The following HIVEP2 variants were observed in gnomAD, a reference collection of about 807,000 sequenced individuals.
The protein encoded by HIVEP2 is HIVEP zinc finger 2.
HIVEP2 carries 14 observed loss-of-function variants against 180.7 expected under a neutral mutation model. The observed-to-expected ratio is 0.08, with a 90% confidence interval of 0.05 to 0.12. The LOEUF is 0.12. Among genes scored for constraint, HIVEP2 ranks in the 10% least tolerant of loss-of-function variants. The pLI is 1.00. For synonymous variants in HIVEP2, 1,184 were observed against 1,136.4 expected, an observed-to-expected ratio of 1.04 and a Z score of -0.84; for missense variants, 2,579 against 3,008.5, an observed-to-expected ratio of 0.86 and a Z score of 3.34.
At chr6:142,883,206 G>T (rs957231723) in intron 1 of HIVEP2, among the ~76,000 whole-genome samples, 1 of 152,020 alleles carries the variant, frequency 6.6e-6, no homozygotes, top group African/African-American at 2.4e-5. Context: ...AGAAAGGGGG[G>T]AAAAGCTTTG....
intron 2 of HIVEP2, among the ~76,000 whole-genome samples, chr6:142,818,911 G>A (rs928349133): frequency 2.0e-5 from 3 of 151,006 alleles, no homozygotes; most frequent in African/African-American, 7.3e-5. Context: ...GCCGAGACAG[G>A]AGGACTGCTT....
intron 2 of HIVEP2, among the ~76,000 whole-genome samples, chr6:142,825,758 G>C (rs1203615050): frequency 6.6e-6 from 1 of 152,064 alleles, no homozygotes; most frequent in Non-Finnish European, 1.5e-5. Flanking sequence ...TTAAAAATGT[G>C]TTCTCCAGAA....
At chr6:142,876,326 A>T (rs763203236) in intron 1 of HIVEP2, among the ~76,000 whole-genome samples, 1 of 152,154 alleles carries the variant, frequency 6.6e-6, no homozygotes, top group East Asian at 1.9e-4. Context: ...TCTGGATTCC[A>T]CTTCCTGTGC....
intron 2 of HIVEP2, among the ~76,000 whole-genome samples, chr6:142,815,843 A>C (rs1776819705): frequency 6.6e-6 from 1 of 152,232 alleles, no homozygotes; most frequent in Non-Finnish European, 1.5e-5. Flanking sequence ...TTTAAGAATA[A>C]GAACTGCGTC....
Position 142,773,755 on chromosome 6 carries a change from C to G in HIVEP2, c.984G>C (p.Leu328Phe). 1.2e-6 allele frequency: 2 copies of G among 1,613,994 alleles called. No homozygotes were observed. Among genetic ancestry groups the G allele is most frequent in the South Asian group, 1.1e-5 (1 of 91,078 alleles). Residue 328 changes from leucine to phenylalanine, a missense_variant, in exon 5 of 10, where the codon TTG becomes TTC. By Grantham distance (22) the Leu-to-Phe change is conservative. Transcript: ENST00000367603. ...SLGGPMKVPI[L>F]IIPKSGIPLP... The stretch of plus-strand genomic sequence containing the variant: ...GAGGAATCCCACTTTTAGGGATAAT[C>G]AAAATCGGCACCTTCATTGGACCTC...
chr6:142,860,137 A>G (rs975986955), intron 1 of HIVEP2, among the ~76,000 whole-genome samples: 1 of 152,166 alleles, frequency 6.6e-6, no homozygotes, highest in Admixed American at 6.5e-5. Flanking sequence ...AAAAAAGATA[A>G]GAAAAAAACT....
rs756525223 is a variant in HIVEP2, at chr6:142,753,360, C to T, written c.7088G>A (p.Gly2363Glu). ...RVQEPHQNPL[G>E]SAHVSIRHFS... ...GTGTCTAATGCTAACATGTGCACTT[C>T]CCAGGGGGTTCTGGTGGGGCTCCTG... Residue 2363 changes from glycine to glutamate, a missense_variant, in exon 10 of 10, where the codon GGA (glycine) becomes GAA (glutamate). Physicochemically the swap from Gly to Glu is moderately conservative, Grantham distance 98. This residue lies in a region of HIVEP2 where 660 missense variants were observed against 731.7 expected (regional missense o/e 0.90). Transcript: ENST00000367603. 20 of 1,614,118 alleles carry T rather than the reference C, an allele frequency of 1.2e-5. No homozygotes were observed. In the South Asian group the frequency reaches 2.0e-4, roughly 16 times the overall value.
At chr6:142,793,777 C>T (rs1458148029) in intron 2 of HIVEP2, among the ~76,000 whole-genome samples, 1 of 151,608 alleles carries the variant, frequency 6.6e-6, no homozygotes, top group African/African-American at 2.4e-5. Context: ...CCTCTGCCTT[C>T]TGCCTCAGCC....
At chr6:142,940,415 G>A (rs1365845667) in intron 1 of HIVEP2, among the ~76,000 whole-genome samples, 3 of 152,178 alleles carry the variant, frequency 2.0e-5, no homozygotes, top group Non-Finnish European at 4.4e-5. Context: ...AGAGACAGGC[G>A]TTATGCACAA....
At chr6:142,844,617 A>T (rs1284306604) in intron 1 of HIVEP2, among the ~76,000 whole-genome samples, 1 of 152,192 alleles carries the variant, frequency 6.6e-6, no homozygotes, top group Non-Finnish European at 1.5e-5. Flanking sequence ...TTAGTAAGGA[A>T]GTCAGAATTT....
intron 4 of HIVEP2, 106 bp from the exon 5 acceptor site, chr6:142,775,231 G>T: frequency 4.9e-6 from 1 of 203,314 alleles, no homozygotes; most frequent in Non-Finnish European, 8.6e-6. Context: ...AATTTGAAAT[G>T]TTTTTTACTC....
chr6:142,834,583 G>C (rs1227948982), intron 2 of HIVEP2, among the ~76,000 whole-genome samples: 1 of 151,980 alleles, frequency 6.6e-6, no homozygotes, highest in Non-Finnish European at 1.5e-5. Context: ...ACTTTAAAAT[G>C]AATAATGTCA....
intron 2 of HIVEP2, chr6:142,794,174 T>C (rs1392677406): frequency 6.6e-6 from 1 of 152,168 alleles, no homozygotes; most frequent in Admixed American, 6.5e-5. Context: ...GATCTAGACA[T>C]TCTAGGCATG....
chr6:142,799,604 T>C (rs933659530), intron 2 of HIVEP2, among the ~76,000 whole-genome samples: 1 of 152,158 alleles, frequency 6.6e-6, no homozygotes, highest in Middle Eastern at 3.2e-3. Flanking sequence ...AGCTGCAACA[T>C]CAACAAATTA....
At chr6:142,859,689 C>T (rs1582919411) in intron 1 of HIVEP2, among the ~76,000 whole-genome samples, 4 of 151,056 alleles carry the variant, frequency 2.6e-5, no homozygotes, top group Non-Finnish European at 1.5e-5. Context: ...AAAAAATTAG[C>T]CGGGCATGGT....
chr6:142,918,425 G>C (rs7753077), intron 1 of HIVEP2, among the ~76,000 whole-genome samples: 16,103 of 152,202 alleles, frequency 0.11, 1,027 homozygotes, highest in South Asian at 0.13. Flanking sequence ...ATGTGGATGC[G>C]GCATTCTTCT....
At chr6:142,760,714 A>T in intron 8 of HIVEP2, 47 bp from the exon 9 acceptor site, 1 of 1,357,708 alleles carries the variant, frequency 7.4e-7, no homozygotes, top group Non-Finnish European at 1.0e-6. Flanking sequence ...CCAAATATCA[A>T]GGTTAGGATC....
chr6:142,944,423 ACACC>A (rs2128442473), intron 1 of HIVEP2, among the ~76,000 whole-genome samples: 1 of 121,394 alleles, frequency 8.2e-6, no homozygotes, highest in Admixed American at 7.9e-5. Context: ...CCTCCCCCAC[ACACC>A]CACACACACA....
rs1326513213 is a variant in HIVEP2 at position 142,945,051 on chromosome 6, G to T, written c.-641+48C>A. 1 of 146,352 alleles carries T rather than the reference G, an allele frequency of 6.8e-6. No homozygotes were observed. Among genetic ancestry groups the T allele is most frequent in the African/African-American group, 2.4e-5 (1 of 40,860 alleles). 9.1% of individuals were successfully genotyped at this position (146,352 alleles called of 1,614,324 possible). ...CGGCGGCCCGGGCCTCGCGCCGCCA[G>T]CCCGCCCGGCCGCCTGCGCCGCGCG... On this transcript the variant is annotated intron_variant, in intron 1 of 9. Transcript: ENST00000367603. This position sits in a 1 kb window ranked among gnomAD's most constrained non-coding sequence, Gnocchi z 5.5.
Sources: allele counts gnomAD v4.1 joint callset (sites outside exome capture counted in the v4.1 genomes callset), GRCh38; gene constraint gnomAD v4.1.1; regional missense constraint gnomAD v4.1.1; non-coding constraint Gnocchi (gnomAD v3.1); transcripts MANE v1.5; gene names NCBI Gene and HGNC (gene_info 2026-07-23, HGNC 2026-07-21).